The following MEAK7 variants were observed in gnomAD, a reference collection of about 807,000 sequenced individuals.
MEAK7 encodes MTOR associated protein MEAK7, also known as MTOR-associated protein MEAK7.
MEAK7 carries 68 observed loss-of-function variants against 40.5 expected under a neutral mutation model. The ratio of observed to expected loss-of-function variants is 1.68; its 90% CI spans 1.38 to 2.06. MEAK7 has a LOEUF of 2.06. Among genes scored for constraint, MEAK7 ranks in the 30% most tolerant of loss-of-function variants. The pLI, the probability that MEAK7 is intolerant of heterozygous loss-of-function variation, is 0.00. For synonymous variants in MEAK7, 338 were observed against 231.9 expected, an observed-to-expected ratio of 1.46 and a Z score of -4.16; for missense variants, 918 against 580.5, an observed-to-expected ratio of 1.58 and a Z score of -5.98.
At position 84,491,332 on chromosome 16, in the gene MEAK7, G is replaced by A. The variant is rs371911677; in HGVS notation, c.385-1910C>T. 8.5e-5 allele frequency among the ~76,000 whole-genome samples: 13 copies of A among 152,074 alleles called. No individual in the cohort carries two copies. The East Asian group carries it at 2.3e-3, about 27-fold the overall frequency. On this transcript the variant is annotated intron_variant, in intron 3 of 7. Coordinates refer to ENST00000343629, the MANE Select transcript of MEAK7 (RefSeq NM_020947.4). ...GTGGGCAGATCATTTGAGGTTAGGA[G>A]GTCGCGACCAGCCTGGCCAACATGA...
Position 84,479,807 on chromosome 16 carries a change from G to A in MEAK7, c.*106C>T, listed in dbSNP as rs146353421. 7.3e-3 allele frequency: 5,629 copies of A among 769,630 alleles called. 42 individuals are homozygous for A. The highest frequency in any genetic ancestry group is 0.012 in the Middle Eastern group (30 of 2,434). The allele number at this position is 769,630 out of a possible 1,614,324, so 47.7% of individuals were successfully genotyped here. On this transcript the variant is annotated 3_prime_UTR_variant, in exon 8 of 8. Transcript: ENST00000343629. ...GGGACTACCAGGCTGTGACCCGTGCGGTACGCTATTACAGTTAAACCATGT... is the reference window on the plus strand; with the variant it reads ...GGGACTACCAGGCTGTGACCCGTGCAGTACGCTATTACAGTTAAACCATGT...
chr16:84,485,665 T>TCTAC (rs776339654), intron 5 of MEAK7, among the ~76,000 whole-genome samples: 1,562 of 151,026 alleles, frequency 0.01, 16 homozygotes, highest in Non-Finnish European at 0.016. Context: ...CATCCATCCA[T>TCTAC]CTATCTACCT....
chr16:84,490,653 G>GGGGTGTGTGTGTGTGTGTGTGT (rs571630201), intron 3 of MEAK7, among the ~76,000 whole-genome samples: 1 of 104,430 alleles, frequency 9.6e-6, no homozygotes, highest in African/African-American at 4.1e-5. Context: ...AGCTAATCAA[G>GGGGTGTGTGTGTGTGTGTGTGT]ATGTGTGTGT....
At chr16:84,502,018 CCTG>C (rs1914544276) in intron 1 of MEAK7, among the ~76,000 whole-genome samples, 1 of 152,138 alleles carries the variant, frequency 6.6e-6, no homozygotes, top group Non-Finnish European at 1.5e-5. Flanking sequence ...GTGGTGCATG[CCTG>C]TAATCCCAGC....
In MEAK7 at chr16:84,497,989, G is replaced by A. The variant is rs144320129; in HGVS notation, c.98C>T (p.Ser33Leu). 2 of 1,614,192 alleles carry A rather than the reference G, an allele frequency of 1.2e-6. No homozygotes were observed. The highest frequency in any genetic ancestry group is 1.1e-5 in the South Asian group (1 of 91,082). ...EIDQLFDALSSDKNSPNVSSK... is the reference protein window; with the variant it reads ...EIDQLFDALSLDKNSPNVSSK... Reference sequence around the variant, plus strand: ...TGAGACATTCGGGCTGTTTTTATCTGATGACAGAGCATCAAACAATTGATC... The same window carrying A: ...TGAGACATTCGGGCTGTTTTTATCTAATGACAGAGCATCAAACAATTGATC... Residue 33 changes from serine (S) to leucine (L), a missense_variant, in exon 2 of 8, where the codon TCA becomes TTA. Coordinates refer to ENST00000343629, the MANE Select transcript of MEAK7 (RefSeq NM_020947.4).
chr16:84,478,400 T>C lies in MEAK7; in HGVS notation c.*1513A>G, dbSNP rs1912222065. Reference sequence around the variant, plus strand: ...GGCTATTGCTAAGTGGAAGGTTTGATGAACCTCCCAGTAGAAAATGCAAGG... The same window carrying C: ...GGCTATTGCTAAGTGGAAGGTTTGACGAACCTCCCAGTAGAAAATGCAAGG... On this transcript the variant is annotated 3_prime_UTR_variant, in exon 8 of 8. Transcript: ENST00000343629. 6.6e-6 allele frequency: 1 copy of C among 152,262 alleles called. No homozygotes were observed. Among genetic ancestry groups the C allele is most frequent in the African/African-American group, 2.4e-5 (1 of 41,466 alleles). 9.4% of individuals were successfully genotyped at this position (152,262 alleles called of 1,614,324 possible). A position where few individuals can be genotyped will look rare whatever the true frequency, so the allele number is the denominator to read the frequency against.
intron 4 of MEAK7, chr16:84,488,114 T>C (rs958418113): frequency 6.6e-6 from 1 of 152,220 alleles, no homozygotes; most frequent in Non-Finnish European, 1.5e-5. Flanking sequence ...TCTCATTACC[T>C]ATATATTACT....
chr16:84,490,820 C>G (rs1479482039), intron 3 of MEAK7, among the ~76,000 whole-genome samples: 1 of 151,992 alleles, frequency 6.6e-6, no homozygotes, highest in African/African-American at 2.4e-5. Context: ...TCTCCTTCCT[C>G]TTGCTACCCT....
At chr16:84,500,983 T>C (rs370383) in intron 1 of MEAK7, among the ~76,000 whole-genome samples, 2 of 151,328 alleles carry the variant, frequency 1.3e-5, no homozygotes, top group Admixed American at 1.3e-4. Flanking sequence ...TAATCCCAGC[T>C]ACTTGGGAGG....
In MEAK7 at chr16:84,501,748, C is replaced by T. The variant is rs530617510; in HGVS notation, c.-26+2853G>A. Among the ~76,000 whole-genome samples the T allele has an allele frequency of 3.9e-5, 6 of 152,204 alleles. No homozygotes were observed. The East Asian group carries it at 1.2e-3, about 30-fold the overall frequency. ...CAGCCCCTAAGAACACAGCGCTGTCCACAGCACTGCCATTCTTAGTACCTG... is the reference window on the plus strand; with the variant it reads ...CAGCCCCTAAGAACACAGCGCTGTCTACAGCACTGCCATTCTTAGTACCTG... On this transcript the variant is annotated intron_variant, in intron 1 of 7. Transcript: ENST00000343629.
In MEAK7 at chr16:84,504,645, CG is replaced by C; in HGVS notation, c.-71del. 1.0e-6 allele frequency: 1 copy of C among 985,636 alleles called. No homozygotes were observed. The highest frequency in any genetic ancestry group is 1.2e-6 in the Non-Finnish European group (1 of 830,042). 61.1% of individuals were successfully genotyped at this position (985,636 alleles called of 1,614,324 possible). ...CTGTCCGGTCCGGTCCAGCAGCCCACGGGCTCCTCTCGAGAGCCGCCCCTTC... is the reference window on the plus strand; with the variant it reads ...CTGTCCGGTCCGGTCCAGCAGCCCACGGCTCCTCTCGAGAGCCGCCCCTTC... On this transcript the variant is annotated 5_prime_UTR_variant, in exon 1 of 8. Transcript: ENST00000343629.
Position 84,486,906 on chromosome 16 carries a change from G to C in MEAK7, c.683C>G (p.Thr228Ser). Residue 228 changes from threonine to serine, a missense_variant, in exon 5 of 8, where the codon ACT becomes AGT. Physicochemically the swap from Thr to Ser is moderately conservative, Grantham distance 58. Coordinates refer to ENST00000343629, the MANE Select transcript of MEAK7 (RefSeq NM_020947.4). ...CACTTGACGCTCAGGGACCAGGGTA[G>C]TCAGATCAAGAGACGAGCACAGGAT... The part of the protein sequence containing the change: ...FLILCSSLDL[T>S]TLVPERQVDQ... The C allele has an allele frequency of 6.2e-7, 1 of 1,614,214 alleles. No individual in the cohort carries two copies. Among genetic ancestry groups the C allele is most frequent in the Non-Finnish European group, 8.5e-7 (1 of 1,180,032 alleles).
chr16:84,504,100 C>T, intron 1 of MEAK7: 1 of 985,518 alleles, frequency 1.0e-6, no homozygotes. Context: ...GTGACCTGTC[C>T]TGTGCTGGCC....
At chr16:84,492,531 A>T (rs1913703777) in intron 3 of MEAK7, among the ~76,000 whole-genome samples, 1 of 151,208 alleles carries the variant, frequency 6.6e-6, no homozygotes, top group Admixed American at 6.6e-5. Flanking sequence ...TTATTTTACA[A>T]TGACCTGTGA....
intron 5 of MEAK7, among the ~76,000 whole-genome samples, chr16:84,485,751 C>T (rs926412083): frequency 2.0e-5 from 3 of 152,094 alleles, no homozygotes; most frequent in Admixed American, 6.5e-5. Flanking sequence ...GGTATGATCT[C>T]GGCTCACTGC....
rs1047662317 is a variant in MEAK7, at chr16:84,504,064, G to C, written c.-26+537C>G. ...TGTGCGAAGGGGCAGCTTGAGCCTG[G>C]GCAAGAAGTTCCTGTGGGCCAGAAG... On this transcript the variant is annotated intron_variant, in intron 1 of 7. Transcript: ENST00000343629. 9.1e-6 allele frequency: 9 copies of C among 985,420 alleles called. No individual in the cohort carries two copies. The African/African-American group carries it at 1.6e-4, about 17-fold the overall frequency. 61.0% of individuals were successfully genotyped at this position (985,420 alleles called of 1,614,324 possible). A position where few individuals can be genotyped will look rare whatever the true frequency, so the allele number is the denominator to read the frequency against.
chr16:84,503,064 A>T (rs1300997655), intron 1 of MEAK7, among the ~76,000 whole-genome samples: 1 of 152,178 alleles, frequency 6.6e-6, no homozygotes, highest in Non-Finnish European at 1.5e-5. Flanking sequence ...TTATCTGTTC[A>T]CTTGCTATCT....
At chr16:84,480,735 A>C (rs444170) in intron 6 of MEAK7, 27 bp from the exon 7 acceptor site, 1 of 1,586,510 alleles carries the variant, frequency 6.3e-7, no homozygotes, top group Non-Finnish European at 8.6e-7. Flanking sequence ...GACAGAGAAT[A>C]GCATCAGCAA....
chr16:84,481,381 C>A (rs902470651), intron 6 of MEAK7, among the ~76,000 whole-genome samples: 1 of 152,218 alleles, frequency 6.6e-6, no homozygotes, highest in East Asian at 1.9e-4. Flanking sequence ...AGAGTTGACA[C>A]GCGGAGCCGC....
Sources: gnomAD v4.1 joint callset for allele counts (sites outside exome capture counted in the v4.1 genomes callset) on GRCh38, gnomAD v4.1.1 for gene constraint, MANE v1.5 for transcripts, NCBI Gene and HGNC (gene_info 2026-07-23, HGNC 2026-07-21) for gene names.